The following C8orf89 variants were observed in gnomAD, a reference collection of about 807,000 sequenced individuals.
C8orf89 encodes chromosome 8 open reading frame 89.
In C8orf89, 14 loss-of-function variants were observed where a neutral mutation model predicts 15.8. The observed-to-expected ratio is 0.89, with a 90% CI of 0.59 to 1.39. C8orf89 has a LOEUF of 1.39. C8orf89 is among the 40% of genes most tolerant of loss of function. The pLI is 0.00. For missense variants in C8orf89, 181 were observed against 184.5 expected, an observed-to-expected ratio of 0.98 and a Z score of 0.11; for synonymous variants, 55 against 62.2, an observed-to-expected ratio of 0.88 and a Z score of 0.54.
chr8:73,249,116 G>A (rs1813191670), intron 3 of C8orf89, among the ~76,000 whole-genome samples: 1 of 152,128 alleles, frequency 6.6e-6, no homozygotes, highest in South Asian at 2.1e-4. Flanking sequence ...AGTTTGTTGA[G>A]AGTTTTTAAT....
chr8:73,249,464 C>G (rs1366057413), intron 3 of C8orf89, among the ~76,000 whole-genome samples: 1 of 152,092 alleles, frequency 6.6e-6, no homozygotes, highest in Non-Finnish European at 1.5e-5. Context: ...ACCTCATCCT[C>G]AAATTTTTAG....
chr8:73,277,979 C>T, the C8orf89 span: 1,371 of 636,766 alleles, frequency 2.2e-3, 7 homozygotes, highest in African/African-American at 0.02. Context: ...GGCAGCAGCC[C>T]CCAGGGCTCT....
intron 2 of C8orf89, among the ~76,000 whole-genome samples, chr8:73,254,424 G>A (rs1043579482): frequency 3.3e-5 from 5 of 152,086 alleles, no homozygotes; most frequent in African/African-American, 1.2e-4. Context: ...CCCAGCTTTG[G>A]TATCAGGATG....
intron 3 of C8orf89, among the ~76,000 whole-genome samples, chr8:73,245,248 C>T (rs1813099357): frequency 6.6e-6 from 1 of 152,190 alleles, no homozygotes; most frequent in South Asian, 2.1e-4. Context: ...GATGAGATTT[C>T]AATGGGGACA....
the C8orf89 span, among the ~76,000 whole-genome samples, chr8:73,265,559 G>A: frequency 6.6e-6 from 1 of 152,230 alleles, no homozygotes; most frequent in South Asian, 2.1e-4. Flanking sequence ...TCTTTATAGA[G>A]TCGTTGCTGG....
chr8:73,278,423 C>T, the C8orf89 span, among the ~76,000 whole-genome samples: 34 of 152,114 alleles, frequency 2.2e-4, no homozygotes, highest in African/African-American at 7.7e-4. Flanking sequence ...CAAGTGCCTC[C>T]CTTCTGCTAG....
At chr8:73,253,216 G>A (rs1813288422) in intron 2 of C8orf89, among the ~76,000 whole-genome samples, 4 of 152,220 alleles carry the variant, frequency 2.6e-5, no homozygotes, top group Non-Finnish European at 5.9e-5. Flanking sequence ...CAGAAGCTGA[G>A]TAGAATGTGA....
chr8:73,279,710 A>C, the C8orf89 span, among the ~76,000 whole-genome samples: 19 of 152,322 alleles, frequency 1.2e-4, no homozygotes, highest in East Asian at 2.5e-3. Context: ...CAAACAAAAA[A>C]ACAGTAGAAA....
chr8:73,268,897 A>C, the C8orf89 span, among the ~76,000 whole-genome samples: 2 of 152,190 alleles, frequency 1.3e-5, no homozygotes, highest in Non-Finnish European at 2.9e-5. Context: ...ATTGAAAAAC[A>C]AGACAAAACA....
At chr8:73,271,383 T>C in the C8orf89 span, among the ~76,000 whole-genome samples, 1 of 152,168 alleles carries the variant, frequency 6.6e-6, no homozygotes, top group Non-Finnish European at 1.5e-5. Flanking sequence ...GTTCTCACTC[T>C]CATGAGACTG....
At chr8:73,257,803 G>A (rs150675257) in intron 1 of C8orf89, among the ~76,000 whole-genome samples, 1 of 152,252 alleles carries the variant, frequency 6.6e-6, no homozygotes, top group East Asian at 1.9e-4. Context: ...GAATTTTTTT[G>A]AAAGTATTCT....
the C8orf89 span, among the ~76,000 whole-genome samples, chr8:73,279,704 C>CA: frequency 6.6e-6 from 1 of 152,070 alleles, no homozygotes; most frequent in Admixed American, 6.5e-5. Flanking sequence ...CTCAGCCAAA[C>CA]AAAAAAACAG....
chr8:73,285,432 T>C, the C8orf89 span, among the ~76,000 whole-genome samples: 1 of 152,164 alleles, frequency 6.6e-6, no homozygotes, highest in African/African-American at 2.4e-5. Context: ...AAAGTGCATC[T>C]AGAGCATCCT....
chr8:73,283,388 C>A, the C8orf89 span, among the ~76,000 whole-genome samples: 5 of 152,176 alleles, frequency 3.3e-5, no homozygotes, highest in Admixed American at 2.6e-4. Context: ...AACCCAGGAA[C>A]TGAAGCAAAA....
the C8orf89 span, among the ~76,000 whole-genome samples, chr8:73,272,629 G>A: frequency 6.7e-5 from 10 of 150,252 alleles, no homozygotes; most frequent in Non-Finnish European, 8.9e-5. Flanking sequence ...GATAGGCCCC[G>A]GTGTGTGATG....
the C8orf89 span, among the ~76,000 whole-genome samples, chr8:73,275,068 T>C: frequency 1.2e-4 from 19 of 152,128 alleles, no homozygotes; most frequent in Non-Finnish European, 1.8e-4. Flanking sequence ...ATACCTAAAA[T>C]TGGATTCACT....
intron 2 of C8orf89, among the ~76,000 whole-genome samples, chr8:73,252,458 T>G (rs112488565): frequency 0.017 from 2,603 of 152,280 alleles, 79 homozygotes; most frequent in African/African-American, 0.06. Flanking sequence ...TTCTTTCTTT[T>G]GAAAGAAGGG....
intron 2 of C8orf89, 79 bp downstream of exon 2, chr8:73,256,894 G>T: frequency 9.7e-6 from 9 of 926,478 alleles, no homozygotes; most frequent in Non-Finnish European, 1.3e-5. Context: ...GCAATTCACT[G>T]ACCAGAAAAA....
At chr8:73,261,633 G>T (rs1180162186), upstream of C8orf89, among the ~76,000 whole-genome samples, 1 of 152,176 alleles carries the variant, frequency 6.6e-6, no homozygotes, top group African/African-American at 2.4e-5. Flanking sequence ...AAAGTTTTTA[G>T]ATTTTGTGAT....
Sources: gnomAD v4.1 joint callset for allele counts (sites outside exome capture counted in the v4.1 genomes callset) on GRCh38, gnomAD v4.1.1 for gene constraint, MANE v1.5 for transcripts, NCBI Gene and HGNC (gene_info 2026-07-23, HGNC 2026-07-21) for gene names.